Variants in ANKS1B observed in about 807,000 individuals in gnomAD.
ANKS1B encodes the protein ankyrin repeat and sterile alpha motif domain containing 1B.
ANKS1B carries 36 observed loss-of-function variants against 148.3 expected under a neutral mutation model. That is an observed-to-expected ratio of 0.24 (90% CI 0.19 to 0.32). The LOEUF (loss-of-function observed/expected upper bound fraction) is 0.32, where lower values mean the gene tolerates loss of function less well. ANKS1B is among the 10% of genes least tolerant of loss of function. ANKS1B has a pLI of 1.00. For missense variants in ANKS1B, 1,157 were observed against 1,542.6 expected, an observed-to-expected ratio of 0.75 and a Z score of 4.19; for synonymous variants, 542 against 560.8, an observed-to-expected ratio of 0.97 and a Z score of 0.47.
chr12:99,849,681 T>C (rs1028191278), intron 1 of ANKS1B, among the ~76,000 whole-genome samples: 8 of 152,120 alleles, frequency 5.3e-5, no homozygotes, highest in Admixed American at 5.2e-4. Flanking sequence ...AAACTATTAT[T>C]ACTCTCCACA....
At chr12:99,215,511 C>T (rs373767644) in intron 14 of ANKS1B, among the ~76,000 whole-genome samples, 50 of 152,302 alleles carry the variant, frequency 3.3e-4, no homozygotes, top group South Asian at 2.3e-3. Context: ...CAGCTGGGAG[C>T]GGCACTGTAT....
At chr12:99,250,210 C>T (rs2074395387) in intron 12 of ANKS1B, among the ~76,000 whole-genome samples, 1 of 152,178 alleles carries the variant, frequency 6.6e-6, no homozygotes, top group South Asian at 2.1e-4. Flanking sequence ...GGCATAAGAA[C>T]TGTACCTAGT....
rs143482993 is a variant in ANKS1B, at chr12:99,385,845, T to A, written c.1756+13786A>T. Reference sequence around the variant, plus strand: ...GTACTTTTTACTTATTACTAAGATCTGAAAGATATATTAAAAATACTTTGA... The same window carrying A: ...GTACTTTTTACTTATTACTAAGATCAGAAAGATATATTAAAAATACTTTGA... On this transcript the variant is annotated intron_variant, in intron 12 of 26. Coordinates refer to ENST00000683438, the MANE Select transcript of ANKS1B (RefSeq NM_001352186.2). Among the ~76,000 whole-genome samples, 283 of 152,354 alleles carry A rather than the reference T, an allele frequency of 1.9e-3. 1 individual carries two copies. Among genetic ancestry groups the A allele is most frequent in the Middle Eastern group, 6.8e-3 (2 of 294 alleles).
chr12:98,880,173 A>G lies in ANKS1B; in HGVS notation c.2779-48037T>C, dbSNP rs1284117837. Among the ~76,000 whole-genome samples, 3 of 152,340 alleles carry G rather than the reference A, an allele frequency of 2.0e-5. No individual in the cohort carries two copies. The East Asian group carries it at 5.8e-4, about 29-fold the overall frequency. ...CCCATGGCGACAGAGCCCTTTTTTA[A>G]GTCAGTAAATACTAAAAGTGATACA... is the stretch of plus-strand genomic sequence containing the variant. On this transcript the variant is annotated intron_variant, in intron 17 of 26. Coordinates refer to ENST00000683438, the MANE Select transcript of ANKS1B (RefSeq NM_001352186.2).
At chr12:99,665,364 T>C (rs1323543366) in intron 8 of ANKS1B, among the ~76,000 whole-genome samples, 1 of 152,224 alleles carries the variant, frequency 6.6e-6, no homozygotes, top group Non-Finnish European at 1.5e-5. Flanking sequence ...ACAATAATAG[T>C]ACTTTTAATA....
At chr12:98,752,504 G>A (rs747465318) in intron 25 of ANKS1B, among the ~76,000 whole-genome samples, 6 of 152,072 alleles carry the variant, frequency 3.9e-5, no homozygotes, top group South Asian at 2.1e-4. Context: ...TGATCCACCC[G>A]CCTCAGCCTC....
chr12:98,894,991 AGCG>A (rs555983816), intron 17 of ANKS1B: 323 of 714,604 alleles, frequency 4.5e-4, no homozygotes, highest in Middle Eastern at 1.3e-3. Flanking sequence ...CCCTGGCGGC[AGCG>A]GCGGCGGCGG....
intron 17 of ANKS1B, among the ~76,000 whole-genome samples, chr12:98,948,521 G>A (rs540560558): frequency 6.6e-6 from 1 of 152,204 alleles, no homozygotes; most frequent in African/African-American, 2.4e-5. Context: ...TAGCAAGTAT[G>A]GATATATATT....
At chr12:99,216,902 G>T (rs1035961675) in intron 14 of ANKS1B, among the ~76,000 whole-genome samples, 1 of 152,168 alleles carries the variant, frequency 6.6e-6, no homozygotes, top group Non-Finnish European at 1.5e-5. Context: ...AATGAGCTAC[G>T]CAACTTTGGG....
At chr12:99,853,599 C>A (rs2088412274) in intron 1 of ANKS1B, among the ~76,000 whole-genome samples, 1 of 152,138 alleles carries the variant, frequency 6.6e-6, no homozygotes, top group Admixed American at 6.5e-5. Context: ...CCCTTAGTGT[C>A]CCAGATCCTC....
intron 17 of ANKS1B, among the ~76,000 whole-genome samples, chr12:98,868,680 C>T (rs1567336337): frequency 6.6e-6 from 1 of 152,138 alleles, no homozygotes; most frequent in Non-Finnish European, 1.5e-5. Context: ...AAAGTCAATC[C>T]ACAAAGTGGA....
At chr12:99,055,122 A>G (rs938907982) in intron 16 of ANKS1B, among the ~76,000 whole-genome samples, 7 of 152,236 alleles carry the variant, frequency 4.6e-5, no homozygotes, top group Admixed American at 2.0e-4. Context: ...AGGGAGGCTC[A>G]TAGATATTCG....
Position 99,692,958 on chromosome 12 carries a change from G to T in ANKS1B, c.1129-37748C>A, listed in dbSNP as rs139374966. On this transcript the variant is annotated intron_variant, in intron 8 of 26. Coordinates refer to ENST00000683438, the MANE Select transcript of ANKS1B (RefSeq NM_001352186.2). ...AAGTAACAGAGTCATTGGCATGTAGGCAGTATGTAAAGCAAAAGTACTGGA... is the reference window on the plus strand; with the variant it reads ...AAGTAACAGAGTCATTGGCATGTAGTCAGTATGTAAAGCAAAAGTACTGGA... Among the ~76,000 whole-genome samples, 435 of 152,274 alleles carry T rather than the reference G, an allele frequency of 2.9e-3. 3 individuals are homozygous for T. Among genetic ancestry groups the T allele is most frequent in the African/African-American group, 0.01 (421 of 41,560 alleles).
intron 9 of ANKS1B, among the ~76,000 whole-genome samples, chr12:99,506,238 A>G (rs2096710702): frequency 6.6e-6 from 1 of 151,976 alleles, no homozygotes; most frequent in African/African-American, 2.4e-5. Flanking sequence ...AGAAAAAGAC[A>G]AATAAGAAAA....
chr12:98,896,109 T>A (rs2099764261), intron 17 of ANKS1B, among the ~76,000 whole-genome samples: 1 of 152,184 alleles, frequency 6.6e-6, no homozygotes, highest in African/African-American at 2.4e-5. Context: ...CAATGGTCTA[T>A]GAATAGGTTG....
At chr12:99,372,116 G>C (rs1204637853) in intron 12 of ANKS1B, among the ~76,000 whole-genome samples, 1 of 152,012 alleles carries the variant, frequency 6.6e-6, no homozygotes, top group Non-Finnish European at 1.5e-5. Flanking sequence ...GAACTCTACT[G>C]TAACTATGGA....
At chr12:99,344,866 T>C (rs2090446342) in intron 12 of ANKS1B, 1 of 152,086 alleles carries the variant, frequency 6.6e-6, no homozygotes, top group South Asian at 2.1e-4. Flanking sequence ...ACTAATTTTG[T>C]TGTCAATTTC....
At chr12:99,328,895 A>G (rs2086977833) in intron 12 of ANKS1B, among the ~76,000 whole-genome samples, 1 of 151,996 alleles carries the variant, frequency 6.6e-6, no homozygotes, top group African/African-American at 2.4e-5. Flanking sequence ...TGAAAGATAT[A>G]TAAAAAGACT....
chr12:99,763,591 C>T (rs577825502), intron 8 of ANKS1B, among the ~76,000 whole-genome samples: 1 of 151,590 alleles, frequency 6.6e-6, no homozygotes, highest in African/African-American at 2.4e-5. Context: ...ATTTGTACAC[C>T]AAATCCCAGT....
Sources: gnomAD v4.1 joint callset for allele counts (sites outside exome capture counted in the v4.1 genomes callset) on GRCh38, gnomAD v4.1.1 for gene constraint, MANE v1.5 for transcripts, NCBI Gene and HGNC (gene_info 2026-07-23, HGNC 2026-07-21) for gene names.